Variants in COL20A1 observed in about 807,000 individuals in gnomAD.
COL20A1 encodes the protein collagen alpha-1(XX) chain.
Under a neutral mutation model 152.9 loss-of-function variants are expected in COL20A1, and 164 were observed. The ratio of observed to expected loss-of-function variants is 1.07; its 90% CI spans 0.94 to 1.22. The LOEUF is 1.22. Among genes scored for constraint, COL20A1 ranks in the 50% most tolerant of loss-of-function variants. The pLI is 0.00. For synonymous variants in COL20A1, 864 were observed against 756.0 expected (o/e 1.14, Z -2.34); for missense variants, 1,873 against 1,744.8 (o/e 1.07, Z -1.31).
At chr20:63,309,249 C>T in intron 8 of COL20A1, 84 bp from the exon 9 acceptor site, 1 of 1,134,378 alleles carries the variant, frequency 8.8e-7, no homozygotes, top group South Asian at 2.5e-5. Context: ...ACTCCTGACC[C>T]AGTCTCCATG....
Position 63,316,656 on chromosome 20 carries a change from G to C in COL20A1, c.2628G>C (p.Thr876=). 1 of 1,575,444 alleles carries C rather than the reference G, an allele frequency of 6.3e-7. No individual in the cohort carries two copies. Among genetic ancestry groups the C allele is most frequent in the Admixed American group, 1.8e-5 (1 of 54,248 alleles). Residue 876 remains threonine, a synonymous_variant, in exon 21 of 36, where the codon ACG becomes ACC. Transcript: ENST00000358894. ...PSAFGGTPTF[T]LFKDAQLTRR... is the part of the protein sequence containing the mutation. Reference sequence around the variant, plus strand: ...CCTTCGGTGGGACCCCGACCTTCACGCTCTTCAAGGACGCCCAGCTGACAA... The same window carrying C: ...CCTTCGGTGGGACCCCGACCTTCACCCTCTTCAAGGACGCCCAGCTGACAA...
intron 7 of COL20A1, 57 bp from the exon 8 acceptor site, chr20:63,308,485 G>C (rs963620379): frequency 6.9e-7 from 1 of 1,454,942 alleles, no homozygotes; most frequent in Non-Finnish European, 9.2e-7. Context: ...GCTGCCAGCC[G>C]AGCACCAGGA....
At chr20:63,316,419 G>C (rs191993231) in intron 20 of COL20A1, 134 bp from the exon 21 acceptor site, 13,387 of 133,970 alleles carry the variant, frequency 0.1, 513 homozygotes, top group South Asian at 0.19. Flanking sequence ...TCCCACCCAC[G>C]CCGCTCCGTC....
Position 63,331,603 on chromosome 20 carries a change from G to A in COL20A1, c.*887G>A, listed in dbSNP as rs2068334605. On this transcript the variant is annotated 3_prime_UTR_variant, in exon 36 of 36. Transcript: ENST00000358894. ...ATCCCCACTGTGGCCCAAACAGCAT[G>A]GGGGCAAGCTCAGAACACACACCTG... The A allele has an allele frequency of 6.6e-6, 1 of 152,226 alleles. No homozygotes were observed. Among genetic ancestry groups the A allele is most frequent in the Non-Finnish European group, 1.5e-5 (1 of 68,056 alleles). 9.4% of individuals were successfully genotyped at this position (152,226 alleles called of 1,614,324 possible).
rs112795999 is a variant in COL20A1 at position 63,334,075 on chromosome 20, C to G, written c.*3359C>G. On this transcript the variant is annotated 3_prime_UTR_variant, in exon 36 of 36. Transcript: ENST00000358894. The stretch of plus-strand genomic sequence containing the variant: ...TGATGGTAAGTACAGAACTCCTTGC[C>G]CAGTGGAGAAACACTCTCCTCTCAT... The G allele has an allele frequency of 6.6e-6, 1 of 152,140 alleles. No homozygotes were observed. Among genetic ancestry groups the G allele is most frequent in the Non-Finnish European group, 1.5e-5 (1 of 68,032 alleles). The allele number at this position is 152,140 out of a possible 1,614,324, so 9.4% of individuals were successfully genotyped here. A position where few individuals can be genotyped will look rare whatever the true frequency, so the allele number is the denominator to read the frequency against.
At position 63,306,002 on chromosome 20, in the gene COL20A1, A is replaced by G. The variant is rs201480381; in HGVS notation, c.459A>G (p.Gln153=). The part of the protein sequence containing the change: ...SPDPEQASEP[Q]VAFTPSQDPR... ...ACCCTGAGCAGGCTTCTGAGCCCCA[A>G]GTTGCCTTCACACCAAGCCAGGATC... The change falls in exon 5 of 36, where the codon CAA becomes CAG. Residue 153 remains glutamine (Q), a synonymous_variant. Coordinates refer to ENST00000358894, the MANE Select transcript of COL20A1 (RefSeq NM_020882.4). The surrounding 1 kb of genome is among the most constrained non-coding windows in gnomAD (Gnocchi z 6.9). The G allele has an allele frequency of 1.9e-6, 3 of 1,612,680 alleles. No individual in the cohort carries two copies. The highest frequency in any genetic ancestry group is 2.7e-5 in the African/African-American group (2 of 75,046).
intron 30 of COL20A1, among the ~76,000 whole-genome samples, chr20:63,326,551 G>A (rs914907763): frequency 6.6e-6 from 1 of 152,158 alleles, no homozygotes; most frequent in Admixed American, 6.5e-5. Context: ...TGGAGGAGGG[G>A]TGCAGGGCAT....
At chr20:63,308,411 G>T in intron 7 of COL20A1, 131 bp from the exon 8 acceptor site, 1 of 926,610 alleles carries the variant, frequency 1.1e-6, no homozygotes, top group Non-Finnish European at 1.6e-6. Flanking sequence ...CTGCTCCCTT[G>T]GGCTGCTGCG....
At position 63,316,543 on chromosome 20, in the gene COL20A1, T is replaced by G; in HGVS notation, c.2525-10T>G. 1 of 1,547,392 alleles carries G rather than the reference T, an allele frequency of 6.5e-7. No homozygotes were observed. Among genetic ancestry groups the G allele is most frequent in the Non-Finnish European group, 8.7e-7 (1 of 1,143,114 alleles). ...TCCCTCGGTGCCCCTTCCCCCACCA[T>G]CTTCCCCAGGGTTTGACCTGATGGT... On this transcript the variant is annotated splice_polypyrimidine_tract_variant and intron_variant, in intron 20 of 35. Coordinates refer to ENST00000358894, the MANE Select transcript of COL20A1 (RefSeq NM_020882.4).
intron 2 of COL20A1, among the ~76,000 whole-genome samples, chr20:63,296,493 A>C (rs939792818): frequency 3.3e-5 from 5 of 152,228 alleles, no homozygotes; most frequent in African/African-American, 1.2e-4. Context: ...ACGCTGGGGC[A>C]GCCCTTCCCA....
Position 63,325,679 on chromosome 20 carries a change from C to T in COL20A1, c.3360C>T (p.Gly1120=), listed in dbSNP as rs1333834467. The T allele has an allele frequency of 6.2e-7, 1 of 1,610,870 alleles. No homozygotes were observed. The highest frequency in any genetic ancestry group is 1.7e-5 in the Admixed American group (1 of 59,884). ...CTGTTCTCTCCCAGGGCCACCCCGG[C>T]CACCAGGGCATCCCCGGGAGAGTTG... ...HGLPGLQGHP[G]HQGIPGRVGL... Residue 1120 remains glycine (G), a synonymous_variant, in exon 29 of 36, where the codon GGC becomes GGT. Coordinates refer to ENST00000358894, the MANE Select transcript of COL20A1 (RefSeq NM_020882.4).
At chr20:63,322,727 G>A (rs1414595577) in intron 27 of COL20A1, among the ~76,000 whole-genome samples, 6 of 152,182 alleles carry the variant, frequency 3.9e-5, no homozygotes, top group African/African-American at 1.4e-4. Context: ...CTGCACAAGC[G>A]TGACACAGAT....
chr20:63,304,961 A>C (rs559451200), intron 3 of COL20A1, among the ~76,000 whole-genome samples: 1 of 152,286 alleles, frequency 6.6e-6, no homozygotes, highest in South Asian at 2.1e-4. Flanking sequence ...CTAACTTTAG[A>C]ATCATGGAGT....
intron 10 of COL20A1, among the ~76,000 whole-genome samples, 183 bp downstream of exon 10, chr20:63,310,098 G>A (rs1019938029): frequency 5.3e-5 from 8 of 152,166 alleles, no homozygotes; most frequent in Non-Finnish European, 8.8e-5. Context: ...AGCCTGGGAT[G>A]AGTGCATTTT....
chr20:63,303,616 A>G (rs1488004156), intron 3 of COL20A1, among the ~76,000 whole-genome samples: 1 of 152,200 alleles, frequency 6.6e-6, no homozygotes, highest in Non-Finnish European at 1.5e-5. Flanking sequence ...AAACTCAATA[A>G]CAGTTAGCTG....
intron 21 of COL20A1, among the ~76,000 whole-genome samples, chr20:63,317,588 T>A (rs1457634368): frequency 1.3e-5 from 2 of 151,826 alleles, no homozygotes; most frequent in African/African-American, 4.9e-5. Context: ...TAGGAATGTC[T>A]CTCCCAGCCT....
intron 5 of COL20A1, among the ~76,000 whole-genome samples, chr20:63,307,186 C>A (rs1601411784): frequency 6.6e-6 from 1 of 152,372 alleles, no homozygotes; most frequent in South Asian, 2.1e-4. Flanking sequence ...CCACCCTCCC[C>A]TCCTTGCCTG....
chr20:63,300,618 T>A (rs1036557374), intron 3 of COL20A1, among the ~76,000 whole-genome samples: 4 of 152,214 alleles, frequency 2.6e-5, no homozygotes, highest in African/African-American at 9.6e-5. Context: ...ACTTTATTAG[T>A]CTTTTAATAA....
In COL20A1 at chr20:63,306,222, TTCC is replaced by T. The variant is rs1270865114; in HGVS notation, c.496+186_496+188del. On this transcript the variant is annotated intron_variant, in intron 5 of 35. Coordinates refer to ENST00000358894, the MANE Select transcript of COL20A1 (RefSeq NM_020882.4). The surrounding 1 kb of genome is among the most constrained non-coding windows in gnomAD (Gnocchi z 6.9). The stretch of plus-strand genomic sequence containing the variant: ...CTCTGACCACGAGGCCGGGAAGTTC[TTCC>T]TCGTGTCTGACCACACGGTCTCTGA... Among the ~76,000 whole-genome samples, 1 of 139,074 alleles carries T rather than the reference TTCC, an allele frequency of 7.2e-6. No individual in the cohort carries two copies. Among genetic ancestry groups the T allele is most frequent in the Non-Finnish European group, 1.6e-5 (1 of 63,532 alleles). 91.2% of individuals were successfully genotyped at this position (139,074 alleles called of 152,430 possible).
Sources: allele counts gnomAD v4.1 joint callset (sites outside exome capture counted in the v4.1 genomes callset), GRCh38; gene constraint gnomAD v4.1.1; non-coding constraint Gnocchi (gnomAD v3.1); transcripts MANE v1.5; gene names NCBI Gene and HGNC (gene_info 2026-07-23, HGNC 2026-07-21).